GAS2: variants seen among roughly 807,000 people sequenced by gnomAD.
The protein encoded by GAS2 is growth arrest specific 2, also known as growth arrest-specific protein 2.
Under a neutral mutation model 37.5 loss-of-function variants are expected in GAS2, and 20 were observed. That is an observed-to-expected ratio of 0.53 (90% CI 0.37 to 0.77). The LOEUF (loss-of-function observed/expected upper bound fraction) is 0.77, where lower values mean the gene tolerates loss of function less well. Among genes scored for constraint, GAS2 ranks in the 30% least tolerant of loss-of-function variants. The probability of loss-of-function intolerance (pLI) is 0.00; values close to 1 mark genes in which losing one functional copy is unlikely to be tolerated. For missense variants in GAS2, 336 were observed against 373.4 expected (o/e 0.90, Z 0.82); for synonymous variants, 144 against 132.2 (o/e 1.09, Z -0.61).
intron 3 of GAS2, chr11:22,702,476 A>G (rs1850892696): frequency 6.6e-6 from 1 of 152,328 alleles, no homozygotes; most frequent in Admixed American, 6.5e-5. Flanking sequence ...CAAAATGGAA[A>G]ATGACCATAT....
rs61889456 is a variant in GAS2 at position 22,739,064 on chromosome 11, A to G, written c.473+1296A>G. Among the ~76,000 whole-genome samples the G allele has an allele frequency of 4.3e-3, 661 of 152,298 alleles. 1 individual carries two copies. Among genetic ancestry groups the G allele is most frequent in the Non-Finnish European group, 6.9e-3 (472 of 68,028 alleles). On this transcript the variant is annotated intron_variant, in intron 5 of 7. Transcript: ENST00000454584. ...CCTTTCAGATGTCTACTGCTCAGGC[A>G]TAGTTCAAACTTGTGGCATCTGGCT...
At chr11:22,776,958 A>AT (rs1233343806) in intron 7 of GAS2, among the ~76,000 whole-genome samples, 1 of 152,174 alleles carries the variant, frequency 6.6e-6, no homozygotes, top group Non-Finnish European at 1.5e-5. Flanking sequence ...TGTCATAACT[A>AT]TTGAATTACC....
chr11:22,789,443 T>A (rs1231079080), intron 7 of GAS2, among the ~76,000 whole-genome samples: 3 of 101,990 alleles, frequency 2.9e-5, no homozygotes, highest in African/African-American at 1.0e-4. Context: ...TATATATATA[T>A]ATATATATAT....
intron 3 of GAS2, among the ~76,000 whole-genome samples, chr11:22,692,882 T>A (rs192969755): frequency 4.3e-4 from 66 of 152,260 alleles, no homozygotes; most frequent in Admixed American, 1.6e-3. Context: ...TCAGTCTCCA[T>A]CAGACAACAA....
In GAS2 at chr11:22,728,710, A is replaced by T. The variant is rs1000474606; in HGVS notation, c.409+2277A>T. On this transcript the variant is annotated intron_variant, in intron 4 of 7. Transcript: ENST00000454584. ...CCTGCTCAGAATAGAACCCAAAGTG[A>T]TATGTAATAGGCTCTAGGGATGTAA... Among the ~76,000 whole-genome samples the T allele has an allele frequency of 4.0e-4, 61 of 151,948 alleles. No homozygotes were observed. The South Asian group carries it at 4.8e-3, about 12-fold the overall frequency.
At chr11:22,760,717 G>T (rs1045676592) in intron 7 of GAS2, among the ~76,000 whole-genome samples, 1 of 152,076 alleles carries the variant, frequency 6.6e-6, no homozygotes, top group Non-Finnish European at 1.5e-5. Flanking sequence ...AAGAAAATGG[G>T]AATAATAGAA....
chr11:22,745,474 A>C (rs1304271249), intron 5 of GAS2, among the ~76,000 whole-genome samples: 1 of 152,216 alleles, frequency 6.6e-6, no homozygotes, highest in Non-Finnish European at 1.5e-5. Flanking sequence ...AGATACATTA[A>C]AGATTTAAAC....
At chr11:22,636,773 G>A (rs556628984) in intron 1 of GAS2, among the ~76,000 whole-genome samples, 11 of 150,952 alleles carry the variant, frequency 7.3e-5, no homozygotes, top group Non-Finnish European at 1.5e-4. Flanking sequence ...GAGTGTACAG[G>A]CTTAATATCA....
intron 7 of GAS2, among the ~76,000 whole-genome samples, chr11:22,800,857 G>A (rs1026112479): frequency 1.3e-5 from 2 of 151,984 alleles, no homozygotes; most frequent in African/African-American, 2.4e-5. Context: ...TTTTATTTTT[G>A]TTAGTGGTTT....
upstream of GAS2, among the ~76,000 whole-genome samples, chr11:22,665,478 TTTG>T (rs1480319233): frequency 2.0e-5 from 3 of 152,184 alleles, no homozygotes; most frequent in Non-Finnish European, 2.9e-5. Flanking sequence ...TTCTGTATGT[TTTG>T]TTGTTATTTA....
At chr11:22,646,966 C>T (rs34152274) in intron 1 of GAS2, among the ~76,000 whole-genome samples, 2 of 150,558 alleles carry the variant, frequency 1.3e-5, no homozygotes, top group South Asian at 4.2e-4. Flanking sequence ...TACATGTGCA[C>T]AATGTGCAGG....
intron 1 of GAS2, among the ~76,000 whole-genome samples, chr11:22,642,900 C>A (rs910008709): frequency 1.3e-5 from 2 of 152,068 alleles, no homozygotes; most frequent in Non-Finnish European, 1.5e-5. Flanking sequence ...GTTAAAACAG[C>A]GGCAAGACCA....
intron 2 of GAS2, among the ~76,000 whole-genome samples, chr11:22,675,485 A>G (rs986278897): frequency 2.0e-5 from 3 of 152,182 alleles, no homozygotes. Flanking sequence ...TGAGCTGACT[A>G]GAGTCATCCC....
intron 1 of GAS2, among the ~76,000 whole-genome samples, chr11:22,639,876 C>A (rs1439300375): frequency 6.6e-6 from 1 of 152,112 alleles, no homozygotes; most frequent in Non-Finnish European, 1.5e-5. Context: ...TACCGATCTC[C>A]TTTGCCTTTG....
At chr11:22,769,946 G>A (rs895454192) in intron 7 of GAS2, among the ~76,000 whole-genome samples, 7 of 152,152 alleles carry the variant, frequency 4.6e-5, no homozygotes, top group South Asian at 2.1e-4. Context: ...CGAATGGTAG[G>A]CATGGAATAT....
At chr11:22,745,320 C>T (rs1853332256) in intron 5 of GAS2, among the ~76,000 whole-genome samples, 1 of 151,978 alleles carries the variant, frequency 6.6e-6, no homozygotes, top group Admixed American at 6.6e-5. Context: ...TACCTACAGC[C>T]ATCTGATCTT....
intron 1 of GAS2, among the ~76,000 whole-genome samples, chr11:22,653,037 C>CTTTCTT (rs1848811836): frequency 2.9e-5 from 3 of 104,204 alleles, no homozygotes; most frequent in Non-Finnish European, 4.1e-5. Flanking sequence ...CTTTCTTTCT[C>CTTTCTT]TTTCTTTCTT....
At chr11:22,700,399 T>G (rs1850771718) in intron 3 of GAS2, among the ~76,000 whole-genome samples, 1 of 152,180 alleles carries the variant, frequency 6.6e-6, no homozygotes, top group Non-Finnish European at 1.5e-5. Flanking sequence ...CTCAAAAGCC[T>G]TTGATGTGAC....
intron 1 of GAS2, among the ~76,000 whole-genome samples, chr11:22,644,680 G>C (rs1357379047): frequency 1.3e-5 from 1 of 74,962 alleles, no homozygotes; most frequent in African/African-American, 2.7e-5. Flanking sequence ...CAGTGCAGTG[G>C]CATGATCTCA....
Sources: allele counts gnomAD v4.1 joint callset (sites outside exome capture counted in the v4.1 genomes callset), GRCh38; gene constraint gnomAD v4.1.1; transcripts MANE v1.5; gene names NCBI Gene and HGNC (gene_info 2026-07-23, HGNC 2026-07-21).